Variants in EML6 observed in about 807,000 individuals in gnomAD.
EML6 encodes the protein echinoderm microtubule-associated protein-like 6.
EML6 carries 154 observed loss-of-function variants against 240.1 expected under a neutral mutation model. That is an observed-to-expected ratio of 0.64 (90% confidence interval 0.56 to 0.73). The LOEUF is 0.73. Among genes scored for constraint, EML6 ranks in the 30% least tolerant of loss-of-function variants. The pLI, the probability that EML6 is intolerant of heterozygous loss-of-function variation, is 0.00. For missense variants in EML6, 2,964 were observed against 2,474.6 expected (o/e 1.20, Z -4.20); for synonymous variants, 1,148 against 899.0 (o/e 1.28, Z -4.95).
At chr2:54,880,461 A>G (rs1671756127) in intron 17 of EML6, 1 of 152,156 alleles carries the variant, frequency 6.6e-6, no homozygotes, top group South Asian at 2.1e-4. Flanking sequence ...ATTTTCCTCT[A>G]CAATATTAAA....
intron 12 of EML6, among the ~76,000 whole-genome samples, chr2:54,860,334 A>T (rs1670609868): frequency 6.6e-6 from 1 of 152,146 alleles, no homozygotes; most frequent in African/African-American, 2.4e-5. Flanking sequence ...GTTTGATACA[A>T]GTGCTCAAGC....
At chr2:54,850,610 C>A (rs1670025977) in intron 10 of EML6, among the ~76,000 whole-genome samples, 1 of 151,984 alleles carries the variant, frequency 6.6e-6, no homozygotes, top group African/African-American at 2.4e-5. Context: ...GGGCAAATCT[C>A]ACATGACCAA....
rs1484261288 is a variant in EML6, at chr2:54,964,586, C to T, written c.5346C>T (p.Asn1782=). ...CTTTTTCTAGAATCAGCCCAGACAA[C>T]CGATTCTTAGCCGTTGGTTCTTCTG... ...AIQDIRISPD[N]RFLAVGSSEH... is the part of the protein sequence containing the mutation. Residue 1782 remains asparagine, a synonymous_variant, in exon 38 of 42, where the codon AAC becomes AAT. Transcript: ENST00000356458. 8 of 1,552,282 alleles carry T rather than the reference C, an allele frequency of 5.2e-6. No homozygotes were observed. Among genetic ancestry groups the T allele is most frequent in the Admixed American group, 3.9e-5 (2 of 51,002 alleles).
intron 2 of EML6, among the ~76,000 whole-genome samples, chr2:54,794,822 C>T (rs1189633245): frequency 2.0e-5 from 3 of 152,076 alleles, no homozygotes; most frequent in Non-Finnish European, 4.4e-5. Context: ...TTAGTAAATG[C>T]CTAAAGGAGG....
chr2:54,879,476 C>G, intron 16 of EML6, 71 bp from the exon 17 acceptor site: 2 of 968,962 alleles, frequency 2.1e-6, no homozygotes, highest in Admixed American at 4.4e-5. Flanking sequence ...TTACTTATTC[C>G]TCTTTACAGT....
At chr2:54,726,412 T>C (rs151296744) in intron 2 of EML6, among the ~76,000 whole-genome samples, 1,522 of 151,532 alleles carry the variant, frequency 0.01, 16 homozygotes, top group Non-Finnish European at 0.017. Context: ...AGCTTTTTTT[T>C]CCCTTCCTAA....
At chr2:54,909,165 G>T (rs1200813599) in intron 24 of EML6, among the ~76,000 whole-genome samples, 2 of 152,120 alleles carry the variant, frequency 1.3e-5, no homozygotes, top group Non-Finnish European at 2.9e-5. Context: ...TCTAAAATTA[G>T]CCATATTCAA....
At chr2:54,920,651 T>C (rs1164021086) in intron 26 of EML6, among the ~76,000 whole-genome samples, 1 of 152,146 alleles carries the variant, frequency 6.6e-6, no homozygotes, top group East Asian at 1.9e-4. Context: ...GGAACACTTT[T>C]AAACTCTTCT....
At chr2:54,765,934 T>C (rs896920214) in intron 2 of EML6, among the ~76,000 whole-genome samples, 8 of 152,212 alleles carry the variant, frequency 5.3e-5, no homozygotes, top group Non-Finnish European at 1.0e-4. Context: ...AATACCAATA[T>C]ACCTTTCACC....
intron 17 of EML6, chr2:54,882,578 GCCGGGCGCGGTAGCTCACGC>G (rs1422162054): frequency 6.6e-6 from 1 of 151,838 alleles, no homozygotes; most frequent in Non-Finnish European, 1.5e-5. Flanking sequence ...AGGGACAAAG[GCCGGGCGCGGTAGCTCACGC>G]CCGTAATCCC....
intron 2 of EML6, among the ~76,000 whole-genome samples, chr2:54,728,064 C>T (rs1682988094): frequency 1.3e-5 from 2 of 152,138 alleles, no homozygotes; most frequent in South Asian, 4.1e-4. Flanking sequence ...GTTTTATTCT[C>T]TTGAATATTA....
intron 28 of EML6, among the ~76,000 whole-genome samples, chr2:54,935,689 T>C (rs1675100174): frequency 1.3e-5 from 2 of 152,230 alleles, no homozygotes; most frequent in Non-Finnish European, 2.9e-5. Flanking sequence ...ATTCACATTA[T>C]GTTTTGTTAT....
chr2:54,853,558 T>A, intron 10 of EML6, 85 bp from the exon 11 acceptor site: 1 of 908,416 alleles, frequency 1.1e-6, no homozygotes, highest in East Asian at 2.9e-5. Context: ...TTTACAAAAG[T>A]TTTCTTAAAG....
At chr2:54,922,827 C>T (rs6719684) in intron 26 of EML6, among the ~76,000 whole-genome samples, 2,820 of 151,186 alleles carry the variant, frequency 0.019, 96 homozygotes, top group African/African-American at 0.063. Context: ...CTCACATATA[C>T]GTGGAAGCTA....
At position 54,970,577 on chromosome 2, in the gene EML6, CCT is replaced by C. The variant is rs1285204625; in HGVS notation, c.*485_*486del. The C allele has an allele frequency of 2.5e-5, 4 of 158,016 alleles. No individual in the cohort carries two copies. Among genetic ancestry groups the C allele is most frequent in the African/African-American group, 7.2e-5 (3 of 41,726 alleles). 9.8% of individuals were successfully genotyped at this position (158,016 alleles called of 1,614,324 possible). A position where few individuals can be genotyped will look rare whatever the true frequency, so the allele number is the denominator to read the frequency against. ...ACCGAAGTACTAGAAATATCGCTAG[CCT>C]CTGTTCTCCAGTTTAGCTTTCAAAA... On this transcript the variant is annotated 3_prime_UTR_variant, in exon 42 of 42. Coordinates refer to ENST00000356458, the MANE Select transcript of EML6 (RefSeq NM_001039753.4).
chr2:54,757,509 G>A (rs1260180680), intron 2 of EML6, among the ~76,000 whole-genome samples: 1 of 128,086 alleles, frequency 7.8e-6, no homozygotes, highest in Non-Finnish European at 1.8e-5. Context: ...GGTGGCAAGT[G>A]TTCCAGGAGT....
intron 40 of EML6, 46 bp downstream of exon 40, chr2:54,968,327 C>T (rs1022379015): frequency 5.1e-5 from 79 of 1,540,440 alleles, no homozygotes; most frequent in Non-Finnish European, 6.3e-5. Context: ...TCTGTTTGGC[C>T]GTCTGCAGGA....
intron 24 of EML6, among the ~76,000 whole-genome samples, chr2:54,906,744 C>T (rs1266057351): frequency 6.6e-6 from 1 of 152,146 alleles, no homozygotes; most frequent in East Asian, 1.9e-4. Context: ...ACTCCACTAG[C>T]CATGAGACAT....
At chr2:54,797,035 G>A (rs1669823541) in intron 2 of EML6, among the ~76,000 whole-genome samples, 1 of 151,838 alleles carries the variant, frequency 6.6e-6, no homozygotes. Flanking sequence ...CCTAGTGGTA[G>A]GTACCTGTAG....
Sources: gnomAD v4.1 joint callset for allele counts (sites outside exome capture counted in the v4.1 genomes callset) on GRCh38, gnomAD v4.1.1 for gene constraint, MANE v1.5 for transcripts, NCBI Gene and HGNC (gene_info 2026-07-23, HGNC 2026-07-21) for gene names.